The following PXDN variants were observed in gnomAD, a reference collection of about 807,000 sequenced individuals.
The protein encoded by PXDN is peroxidasin.
PXDN carries 77 observed loss-of-function variants against 140.3 expected under a neutral mutation model. That is an observed-to-expected ratio of 0.55 (90% CI 0.46 to 0.66). PXDN has a LOEUF of 0.66. PXDN is among the 30% of genes least tolerant of loss of function. The pLI is 0.00. For missense variants in PXDN, 1,838 were observed against 2,039.5 expected (o/e 0.90, Z 1.90); for synonymous variants, 911 against 857.4 (o/e 1.06, Z -1.09).
chr2:1,738,405 T>C (rs1313383757), intron 1 of PXDN, among the ~76,000 whole-genome samples: 1 of 152,136 alleles, frequency 6.6e-6, no homozygotes, highest in Non-Finnish European at 1.5e-5. Context: ...AGCACTGATG[T>C]GGGCCGGGCA....
chr2:1,734,682 C>T (rs975873802), intron 1 of PXDN, among the ~76,000 whole-genome samples: 2 of 152,260 alleles, frequency 1.3e-5, no homozygotes, highest in East Asian at 3.9e-4. Context: ...TTCTGGCCAA[C>T]ATGGTGAAAC....
intron 14 of PXDN, among the ~76,000 whole-genome samples, chr2:1,657,053 C>A (rs549419963): frequency 1.3e-5 from 2 of 151,314 alleles, no homozygotes; most frequent in East Asian, 3.9e-4. Flanking sequence ...GACCTTGCCC[C>A]TCCTGAATGA....
rs753795742 is a variant in PXDN at position 1,653,652 on chromosome 2, A to G, written c.2080T>C (p.Leu694=). Residue 694 remains leucine, a synonymous_variant, in exon 16 of 23, where the codon TTG becomes CTG. Transcript: ENST00000252804. ...QLIQEHVQHG[L]MVDLNGTSYH... ...CTTGTTCCGTTGAGGTCGACCATCA[A>G]GCCATGCTGTACATGCTCCTGAATG... is the stretch of plus-strand genomic sequence containing the variant. 5 of 1,612,774 alleles carry G rather than the reference A, an allele frequency of 3.1e-6. No individual in the cohort carries two copies. Among genetic ancestry groups the G allele is most frequent in the Middle Eastern group, 1.6e-4 (1 of 6,084 alleles).
rs1431863618 is a variant in PXDN at position 1,648,366 on chromosome 2, C to T, written c.3414G>A (p.Glu1138=). ...CCATGGAGAACAGCCGCTCCGTGAGCTCCGTGTTCAGCAGCTGCGAGGGCA... is the reference window on the plus strand; with the variant it reads ...CCATGGAGAACAGCCGCTCCGTGAGTTCCGTGTTCAGCAGCTGCGAGGGCA... The part of the protein sequence containing the change: ...MRVPSQLLNT[E]LTERLFSMAH... Residue 1138 remains glutamate, a synonymous_variant, in exon 17 of 23, where the codon GAG becomes GAA. Coordinates refer to ENST00000252804, the MANE Select transcript of PXDN (RefSeq NM_012293.3). The surrounding 1 kb of genome is among the most constrained non-coding windows in gnomAD (Gnocchi z 8.9). 6.2e-7 allele frequency: 1 copy of T among 1,613,550 alleles called. No homozygotes were observed. Among genetic ancestry groups the T allele is most frequent in the Non-Finnish European group, 8.5e-7 (1 of 1,179,906 alleles).
intron 14 of PXDN, among the ~76,000 whole-genome samples, chr2:1,656,965 C>T (rs1444509101): frequency 6.6e-6 from 1 of 150,932 alleles, no homozygotes; most frequent in Non-Finnish European, 1.5e-5. Flanking sequence ...AGACCTGTCC[C>T]CTCCTGACTG....
chr2:1,658,024 T>TC, intron 14 of PXDN, among the ~76,000 whole-genome samples: 1 of 108,838 alleles, frequency 9.2e-6, no homozygotes, highest in Admixed American at 9.5e-5. Flanking sequence ...ATTTCAGCTG[T>TC]GGGCTCTCTC....
Position 1,705,439 on chromosome 2 carries a change from C to T in PXDN, c.201-12305G>A, listed in dbSNP as rs142036609. ...ACACAGGGTGCAGGATGCAGCTCCC[C>T]ATGACCTGGGATGCAGGGTGCAGCT... is the stretch of plus-strand genomic sequence containing the variant. On this transcript the variant is annotated intron_variant, in intron 1 of 22. Coordinates refer to ENST00000252804, the MANE Select transcript of PXDN (RefSeq NM_012293.3). Among the ~76,000 whole-genome samples, 672 of 143,892 alleles carry T rather than the reference C, an allele frequency of 4.7e-3. 4 individuals are homozygous for T. Among genetic ancestry groups the T allele is most frequent in the African/African-American group, 0.017 (648 of 38,312 alleles). 94.4% of individuals were successfully genotyped at this position (143,892 alleles called of 152,430 possible). A position where few individuals can be genotyped will look rare whatever the true frequency, so the allele number is the denominator to read the frequency against.
intron 1 of PXDN, among the ~76,000 whole-genome samples, chr2:1,711,361 G>A (rs111162158): frequency 6.0e-5 from 4 of 67,078 alleles, no homozygotes; most frequent in East Asian, 5.9e-4. Context: ...ACCAGCACCC[G>A]CTCCACCAGC....
intron 1 of PXDN, among the ~76,000 whole-genome samples, chr2:1,700,839 C>T (rs1414160965): frequency 1.3e-5 from 2 of 152,120 alleles, no homozygotes; most frequent in Non-Finnish European, 2.9e-5. Flanking sequence ...GGAGCCACTA[C>T]ACTCCAGTCT....
intron 1 of PXDN, among the ~76,000 whole-genome samples, chr2:1,739,862 G>T (rs749984742): frequency 1.3e-5 from 2 of 152,194 alleles, no homozygotes; most frequent in Admixed American, 6.5e-5. Context: ...TATCTCTATG[G>T]TACTTTTCAA....
At chr2:1,679,963 CGTGT>C (rs1239153108) in intron 7 of PXDN, among the ~76,000 whole-genome samples, 6 of 98,836 alleles carry the variant, frequency 6.1e-5, no homozygotes, top group Non-Finnish European at 1.2e-4. Flanking sequence ...TTTGTGTCTA[CGTGT>C]GTGTCTGTAA....
At chr2:1,665,925 A>ACT (rs1009961174) in intron 10 of PXDN, among the ~76,000 whole-genome samples, 5 of 151,138 alleles carry the variant, frequency 3.3e-5, no homozygotes, top group Admixed American at 6.6e-5. Flanking sequence ...ACACACACAC[A>ACT]CTCTCTCTCT....
At chr2:1,690,529 C>A (rs544116800) in intron 3 of PXDN, among the ~76,000 whole-genome samples, 2 of 151,810 alleles carry the variant, frequency 1.3e-5, no homozygotes, top group Admixed American at 1.3e-4. Context: ...TATTAAAAAA[C>A]CTGTTAAACC....
chr2:1,654,453 C>T lies in PXDN; in HGVS notation c.1893G>A (p.Ala631=), dbSNP rs375951000. The change falls in exon 15 of 23, where the codon GCG becomes GCA. Residue 631 remains alanine (A), a synonymous_variant. Transcript: ENST00000252804. ...DPFVATSIVE[A]IATVDRAINS... is the part of the protein sequence containing the mutation. ...TTATAGCTCTGTCAACAGTCGCAAT[C>T]GCTTCCACGATGGAGGTAGCTACAA... 70 of 1,613,690 alleles carry T rather than the reference C, an allele frequency of 4.3e-5. No homozygotes were observed. Among genetic ancestry groups the T allele is most frequent in the Middle Eastern group, 1.6e-4 (1 of 6,084 alleles).
intron 13 of PXDN, among the ~76,000 whole-genome samples, chr2:1,661,337 C>T (rs1174434362): frequency 6.6e-6 from 1 of 152,192 alleles, no homozygotes; most frequent in Non-Finnish European, 1.5e-5. Context: ...CTCCCTTAGA[C>T]ACCCGCTATG....
rs1682974312 is a variant in PXDN at position 1,649,833 on chromosome 2, G to A, written c.2105-158C>T. The stretch of plus-strand genomic sequence containing the variant: ...AACAAGCGCTTCCTGCTGGAAACCT[G>A]CTCACCTCCTGTTTGGTAAAACTGC... On this transcript the variant is annotated intron_variant, in intron 16 of 22. Transcript: ENST00000252804. The surrounding 1 kb of genome is among the most constrained non-coding windows in gnomAD (Gnocchi z 7.1). 6.6e-6 allele frequency among the ~76,000 whole-genome samples: 1 copy of A among 152,120 alleles called. No individual in the cohort carries two copies. Among genetic ancestry groups the A allele is most frequent in the African/African-American group, 2.4e-5 (1 of 41,416 alleles).
In PXDN at chr2:1,680,218, G is replaced by A; in HGVS notation, c.705C>T (p.Thr235=). 1 of 1,592,138 alleles carries A rather than the reference G, an allele frequency of 6.3e-7. No homozygotes were observed. The highest frequency in any genetic ancestry group is 8.6e-7 in the Non-Finnish European group (1 of 1,169,304). The change falls in exon 7 of 23, where the codon ACC becomes ACT. Residue 235 remains threonine (T), a synonymous_variant. Transcript: ENST00000252804. ...CACAGTTCAGCTCTTCCGGGGTGAT[G>A]GTTGCCACTGAGCGTCCCTGGATGC... ...PRRIQGRSVA[T]ITPEELNCER...
rs371662047 is a variant in PXDN, at chr2:1,660,661, G to A, written c.1837+220C>T. ...AGGCTGCAGGACAAAGCTCTGCCCCGTGGATGGGCAGCAGGGCCTCCAGGT... is the reference window on the plus strand; with the variant it reads ...AGGCTGCAGGACAAAGCTCTGCCCCATGGATGGGCAGCAGGGCCTCCAGGT... On this transcript the variant is annotated intron_variant, in intron 14 of 22. Coordinates refer to ENST00000252804, the MANE Select transcript of PXDN (RefSeq NM_012293.3). The surrounding 1 kb of genome is among the most constrained non-coding windows in gnomAD (Gnocchi z 4.6). Among the ~76,000 whole-genome samples, 16 of 152,276 alleles carry A rather than the reference G, an allele frequency of 1.1e-4. No homozygotes were observed. In the South Asian group the frequency reaches 3.3e-3, roughly 32 times the overall value.
intron 1 of PXDN, among the ~76,000 whole-genome samples, chr2:1,707,633 G>C (rs1684648928): frequency 2.0e-5 from 3 of 152,230 alleles, no homozygotes; most frequent in Admixed American, 1.3e-4. Flanking sequence ...AATCCCTGCG[G>C]AGGGGCTATC....
Sources: allele counts gnomAD v4.1 joint callset (sites outside exome capture counted in the v4.1 genomes callset), GRCh38; gene constraint gnomAD v4.1.1; non-coding constraint Gnocchi (gnomAD v3.1); transcripts MANE v1.5; gene names NCBI Gene and HGNC (gene_info 2026-07-23, HGNC 2026-07-21).